Variants in VWA8 observed in about 807,000 individuals in gnomAD.
VWA8 encodes the protein von Willebrand factor A domain containing 8, also known as von Willebrand factor A domain-containing protein 8.
VWA8 carries 221 observed loss-of-function variants against 241.5 expected under a neutral mutation model. The observed-to-expected ratio is 0.91, with a 90% CI of 0.82 to 1.02. The LOEUF (loss-of-function observed/expected upper bound fraction) is 1.02. Among genes scored for constraint, VWA8 ranks in the 50% least tolerant of loss-of-function variants. The pLI, the probability that VWA8 is intolerant of heterozygous loss-of-function variation, is 0.00. For missense variants in VWA8, 2,322 were observed against 2,328.7 expected (o/e 1.00, Z 0.06); for synonymous variants, 852 against 827.1 (o/e 1.03, Z -0.52).
chr13:41,599,270 T>C (rs933010), intron 40 of VWA8, among the ~76,000 whole-genome samples: 52,571 of 152,006 alleles, frequency 0.35, 9,424 homozygotes, highest in South Asian at 0.4. Context: ...TGAGTTTTGG[T>C]AGTGCAGTTT....
chr13:41,872,964 G>C (rs982150904), intron 9 of VWA8, among the ~76,000 whole-genome samples: 4 of 152,046 alleles, frequency 2.6e-5, no homozygotes, highest in Non-Finnish European at 5.9e-5. Flanking sequence ...CCATTTGTTT[G>C]TATCCTCTTT....
chr13:41,576,426 T>G (rs1482750685), intron 42 of VWA8, among the ~76,000 whole-genome samples: 1 of 152,224 alleles, frequency 6.6e-6, no homozygotes, highest in Admixed American at 6.5e-5. Context: ...GGATAAATGG[T>G]GGTTAGTCCA....
intron 40 of VWA8, among the ~76,000 whole-genome samples, chr13:41,593,479 T>C (rs1409033333): frequency 6.6e-6 from 1 of 152,132 alleles, no homozygotes; most frequent in Admixed American, 6.5e-5. Flanking sequence ...TCTACTAGAA[T>C]CTCTTCCTAC....
chr13:41,785,815 G>C (rs1039794482), intron 18 of VWA8, among the ~76,000 whole-genome samples: 1 of 152,040 alleles, frequency 6.6e-6, no homozygotes, highest in Non-Finnish European at 1.5e-5. Context: ...TAAAGGGAAA[G>C]AAAGAGCAGG....
chr13:41,608,691 C>T (rs764449606), intron 39 of VWA8, among the ~76,000 whole-genome samples: 1 of 152,170 alleles, frequency 6.6e-6, no homozygotes, highest in Non-Finnish European at 1.5e-5. Context: ...ATGCAATCTC[C>T]ACAGCTGGTG....
At chr13:41,607,938 A>G (rs1468163507) in intron 39 of VWA8, among the ~76,000 whole-genome samples, 1 of 151,750 alleles carries the variant, frequency 6.6e-6, no homozygotes, top group Non-Finnish European at 1.5e-5. Context: ...CCACAACACA[A>G]TCTTCTAAAC....
chr13:41,610,162 C>A (rs547759249), intron 39 of VWA8, among the ~76,000 whole-genome samples: 1 of 152,130 alleles, frequency 6.6e-6, no homozygotes, highest in Non-Finnish European at 1.5e-5. Context: ...TCATTAATTG[C>A]GGAGGGGAGA....
At position 41,670,919 on chromosome 13, in the gene VWA8, A is replaced by C; in HGVS notation, c.4611+27T>G. 3 of 1,611,184 alleles carry C rather than the reference A, an allele frequency of 1.9e-6. No individual in the cohort carries two copies. In the South Asian group the frequency reaches 3.3e-5, roughly 18 times the overall value. Reference sequence around the variant, plus strand: ...AATTTATACTTGAATGTGCACCTCTAAGAGATAAGGTGAATTCAAATGGTA... The same window carrying C: ...AATTTATACTTGAATGTGCACCTCTCAGAGATAAGGTGAATTCAAATGGTA... On this transcript the variant is annotated intron_variant, in intron 37 of 44. Transcript: ENST00000379310.
chr13:41,651,600 G>A (rs1313235135), intron 37 of VWA8, among the ~76,000 whole-genome samples: 1 of 152,192 alleles, frequency 6.6e-6, no homozygotes, highest in Non-Finnish European at 1.5e-5. Flanking sequence ...ATGAATGAGT[G>A]TAGCTGTGTT....
rs1392966593 is a variant in VWA8 at position 41,721,653 on chromosome 13, T to TGCTC, written c.2759-79_2759-78insGAGC. ...CACAGGAAAAAATGGAATGGTTGTT[T>TGCTC]AAAGAGCCACTGGTTGCTCATCAAA... On this transcript the variant is annotated intron_variant, in intron 24 of 44. Transcript: ENST00000379310. 4.4e-4 allele frequency: 637 copies of TGCTC among 1,445,774 alleles called. 5 individuals carry two copies. In the African/African-American group the frequency reaches 8.1e-3, roughly 18 times the overall value. 89.6% of individuals were successfully genotyped at this position (1,445,774 alleles called of 1,614,324 possible).
intron 12 of VWA8, chr13:41,864,708 A>G: frequency 2.9e-6 from 1 of 344,944 alleles, no homozygotes; most frequent in Admixed American, 4.2e-5. Flanking sequence ...TAATGAGTAC[A>G]GAGTTTTTGT....
intron 2 of VWA8, among the ~76,000 whole-genome samples, chr13:41,916,602 G>A (rs1876268352): frequency 6.6e-6 from 1 of 152,148 alleles, no homozygotes; most frequent in Non-Finnish European, 1.5e-5. Context: ...TTTTAGTATA[G>A]CGTATTTTAC....
At chr13:41,864,800 T>C (rs1014018411) in intron 12 of VWA8, among the ~76,000 whole-genome samples, 1 of 152,032 alleles carries the variant, frequency 6.6e-6, no homozygotes, top group African/African-American at 2.4e-5. Flanking sequence ...CAGTGAATTG[T>C]ACATGGCGAA....
intron 4 of VWA8, among the ~76,000 whole-genome samples, chr13:41,893,147 A>T (rs929307917): frequency 6.6e-6 from 1 of 152,220 alleles, no homozygotes; most frequent in African/African-American, 2.4e-5. Flanking sequence ...TATTTTTTTA[A>T]GACTTAATAT....
chr13:41,761,085 A>T (rs1273548144), intron 21 of VWA8, 43 bp downstream of exon 21: 3 of 1,579,000 alleles, frequency 1.9e-6, no homozygotes, highest in Non-Finnish European at 2.6e-6. Flanking sequence ...GAAACAAATG[A>T]TTAAATGAGA....
At position 41,871,640 on chromosome 13, in the gene VWA8, A is replaced by C. The variant is rs1781532153; in HGVS notation, c.1081-3163T>G. On this transcript the variant is annotated intron_variant, in intron 9 of 44. Coordinates refer to ENST00000379310, the MANE Select transcript of VWA8 (RefSeq NM_015058.2). ...TCCCTACAAAGGACATGAACTCATC[A>C]TTTTTTATGGCTGCATAGTATTCCA... Among the ~76,000 whole-genome samples the C allele has an allele frequency of 2.0e-5, 3 of 152,094 alleles. No homozygotes were observed. In the South Asian group the frequency reaches 6.2e-4, roughly 32 times the overall value.
rs531919164 is a variant in VWA8, at chr13:41,932,911, T to G, written c.241+17025A>C. Among the ~76,000 whole-genome samples, 293 of 152,048 alleles carry G rather than the reference T, an allele frequency of 1.9e-3. 2 individuals are homozygous for G. The highest frequency in any genetic ancestry group is 6.4e-3 in the African/African-American group (265 of 41,546). ...TCCCCCAACATCCGGAATAAGACGT[T>G]CTCTCTCATAACTTCTATTCAACAT... On this transcript the variant is annotated intron_variant, in intron 2 of 44. Transcript: ENST00000379310.
At chr13:41,863,421 G>A (rs370001097) in intron 12 of VWA8, among the ~76,000 whole-genome samples, 3,571 of 65,602 alleles carry the variant, frequency 0.054, 94 homozygotes, top group Admixed American at 0.082. Flanking sequence ...GTGTGTGTGT[G>A]TGTGTGTGTG....
intron 40 of VWA8, among the ~76,000 whole-genome samples, chr13:41,600,368 C>A (rs1020913263): frequency 6.6e-6 from 1 of 152,208 alleles, no homozygotes; most frequent in Admixed American, 6.5e-5. Flanking sequence ...TGGACACTGA[C>A]ACCATGTCTT....
Sources: gnomAD v4.1 joint callset for allele counts (sites outside exome capture counted in the v4.1 genomes callset) on GRCh38, gnomAD v4.1.1 for gene constraint, MANE v1.5 for transcripts, NCBI Gene and HGNC (gene_info 2026-07-23, HGNC 2026-07-21) for gene names.